The following DNAH14 variants were observed in gnomAD, a reference collection of about 807,000 sequenced individuals.
DNAH14 encodes the protein dynein axonemal heavy chain 14, also known as axonemal beta dynein heavy chain 14.
Under a neutral mutation model 520.9 loss-of-function variants are expected in DNAH14, and 478 were observed. That is an observed-to-expected ratio of 0.92 (90% CI 0.85 to 0.99). The LOEUF is 0.99. Ranked by LOEUF, DNAH14 falls within the 50% of genes least tolerant of loss-of-function variation. The probability of loss-of-function intolerance (pLI) is 0.00; values close to 1 mark genes in which losing one functional copy is unlikely to be tolerated. For missense variants in DNAH14, 4,831 were observed against 5,234.5 expected, an observed-to-expected ratio of 0.92 and a Z score of 2.38; for synonymous variants, 1,581 against 1,757.2, an observed-to-expected ratio of 0.90 and a Z score of 2.51.
At chr1:225,168,990 C>T (rs753050922) in intron 36 of DNAH14, among the ~76,000 whole-genome samples, 5 of 152,086 alleles carry the variant, frequency 3.3e-5, no homozygotes, top group Non-Finnish European at 7.4e-5. Flanking sequence ...TCTGCTGTTC[C>T]CCAATATTTA....
At chr1:225,168,132 A>AT (rs577330816) in intron 36 of DNAH14, 104 bp downstream of exon 36, 19 of 690,740 alleles carry the variant, frequency 2.8e-5, no homozygotes, top group South Asian at 1.2e-4. Flanking sequence ...TACAGGTATA[A>AT]TTTTTTTTAA....
chr1:225,051,757 C>A lies in DNAH14; in HGVS notation c.2386C>A (p.Gln796Lys). ...CATACATATGAGCCACACCCTCATA[C>A]AATCTGTAATTGAAAAAAAGAACAA... ...NVIHMSHTLIQSVIEKKNKNL... is the reference protein window; with the variant it reads ...NVIHMSHTLIKSVIEKKNKNL... The change falls in exon 17 of 86, where the codon CAA becomes AAA. Residue 796 changes from glutamine to lysine, a missense_variant. By Grantham distance (53) the Gln-to-Lys change is moderately conservative. Transcript: ENST00000682510. 4 of 1,519,846 alleles carry A rather than the reference C, an allele frequency of 2.6e-6. No individual in the cohort carries two copies. Among genetic ancestry groups the A allele is most frequent in the Non-Finnish European group, 3.5e-6 (4 of 1,133,788 alleles). 94.1% of individuals were successfully genotyped at this position (1,519,846 alleles called of 1,614,324 possible).
chr1:225,337,224 G>T, intron 66 of DNAH14, 42 bp from the exon 67 acceptor site: 1 of 1,475,484 alleles, frequency 6.8e-7, no homozygotes, highest in Non-Finnish European at 9.3e-7. Context: ...AAGATGTGAA[G>T]ACATTTACAA....
chr1:225,395,645 G>C (rs1028139868), intron 84 of DNAH14: 1 of 152,278 alleles, frequency 6.6e-6, no homozygotes, highest in South Asian at 2.1e-4. Flanking sequence ...CTTGGAGAGG[G>C]TGATGTTTTT....
chr1:225,242,035 C>G (rs2091995457), intron 43 of DNAH14, among the ~76,000 whole-genome samples: 1 of 152,136 alleles, frequency 6.6e-6, no homozygotes, highest in African/African-American at 2.4e-5. Flanking sequence ...CTAGCTTGGG[C>G]AACATAGTGA....
chr1:225,009,982 A>G (rs564117022), intron 10 of DNAH14, among the ~76,000 whole-genome samples: 1 of 152,324 alleles, frequency 6.6e-6, no homozygotes, highest in African/African-American at 2.4e-5. Flanking sequence ...TTATCAGGTT[A>G]AGGAGTTTTT....
chr1:225,333,577 T>C, intron 66 of DNAH14, 71 bp downstream of exon 66: 1 of 1,372,448 alleles, frequency 7.3e-7, no homozygotes. Context: ...GTATGTGTAG[T>C]TTCGGCCTTG....
At chr1:225,222,958 G>A (rs1343078413) in intron 41 of DNAH14, among the ~76,000 whole-genome samples, 1 of 152,050 alleles carries the variant, frequency 6.6e-6, no homozygotes, top group African/African-American at 2.4e-5. Flanking sequence ...GCTTTACTTA[G>A]GGCTGCTTTG....
At chr1:225,080,340 T>A in intron 18 of DNAH14, 39 bp from the exon 19 acceptor site, 1 of 1,484,028 alleles carries the variant, frequency 6.7e-7, no homozygotes. Flanking sequence ...GTTCTAGACA[T>A]ACTGATTTCT....
chr1:225,319,564 T>C lies in DNAH14; in HGVS notation c.9335+887T>C, dbSNP rs558700749. On this transcript the variant is annotated intron_variant, in intron 61 of 85. Transcript: ENST00000682510. Reference sequence around the variant, plus strand: ...TTATGATGAAGAGATCATATTACAATGCTGAAGTTAATGCCCGTGAAACTG... The same window carrying C: ...TTATGATGAAGAGATCATATTACAACGCTGAAGTTAATGCCCGTGAAACTG... Among the ~76,000 whole-genome samples the C allele has an allele frequency of 2.8e-4, 43 of 152,308 alleles. No homozygotes were observed. In the East Asian group the frequency reaches 5.6e-3, roughly 20 times the overall value.
intron 75 of DNAH14, among the ~76,000 whole-genome samples, chr1:225,363,205 T>C (rs375304885): frequency 2.0e-5 from 3 of 152,314 alleles, no homozygotes; most frequent in African/African-American, 7.2e-5. Context: ...TGGAAGTAAA[T>C]TGCAGACATG....
rs1477881242 is a variant in DNAH14, at chr1:224,938,879, G to A, written c.-34+9044G>A. Among the ~76,000 whole-genome samples the A allele has an allele frequency of 2.6e-5, 4 of 152,014 alleles. No individual in the cohort carries two copies. In the South Asian group the frequency reaches 6.2e-4, roughly 24 times the overall value. On this transcript the variant is annotated intron_variant, in intron 1 of 85. Coordinates refer to ENST00000682510, the MANE Select transcript of DNAH14 (RefSeq NM_001367479.1). ...TGTAAAAAAGAACCCTGTCGTTTAC[G>A]GCAATGTGAATGGAACTAGAGGCTA...
intron 11 of DNAH14, among the ~76,000 whole-genome samples, chr1:225,031,299 G>A (rs1246827523): frequency 6.6e-6 from 1 of 151,942 alleles, no homozygotes; most frequent in Non-Finnish European, 1.5e-5. Flanking sequence ...CTTAGACCAA[G>A]TGTCAACAAA....
chr1:225,373,781 A>G (rs992083477), intron 77 of DNAH14, among the ~76,000 whole-genome samples: 2 of 152,040 alleles, frequency 1.3e-5, no homozygotes, highest in Non-Finnish European at 2.9e-5. Context: ...AACAGCAATT[A>G]AACAGCTCAA....
chr1:225,008,180 T>G (rs1003582810), intron 10 of DNAH14, among the ~76,000 whole-genome samples: 1 of 152,096 alleles, frequency 6.6e-6, no homozygotes, highest in Non-Finnish European at 1.5e-5. Context: ...CAGTGTTTGT[T>G]TTTCTGTTCC....
At chr1:225,191,417 T>C (rs553878218) in intron 37 of DNAH14, among the ~76,000 whole-genome samples, 4 of 152,068 alleles carry the variant, frequency 2.6e-5, no homozygotes, top group Non-Finnish European at 5.9e-5. Flanking sequence ...CTGGCCTTTG[T>C]GCTTTCTGAT....
At chr1:225,011,486 A>G (rs1386872896) in intron 10 of DNAH14, among the ~76,000 whole-genome samples, 1 of 152,082 alleles carries the variant, frequency 6.6e-6, no homozygotes, top group East Asian at 1.9e-4. Context: ...AGTCCTAAAT[A>G]TCCTTGTTAA....
chr1:225,340,647 A>G lies in DNAH14; in HGVS notation c.10624A>G (p.Ile3542Val), dbSNP rs1329558380. The part of the protein sequence containing the change: ...KLLESISLDA[I>V]TLEELEEKTL... The stretch of plus-strand genomic sequence containing the variant: ...ACTGGAGAGTATTTCCCTTGATGCC[A>G]TAACTCTTGAAGAACTAGAGGAAAA... The change falls in exon 69 of 86, where the codon ATA (isoleucine) becomes GTA (valine). Residue 3542 changes from isoleucine to valine, a missense_variant. Transcript: ENST00000682510. 1.5e-5 allele frequency: 24 copies of G among 1,551,312 alleles called. No homozygotes were observed. The highest frequency in any genetic ancestry group is 5.9e-5 in the Admixed American group (3 of 50,992).
At chr1:225,314,207 T>C (rs772666550) in intron 60 of DNAH14, among the ~76,000 whole-genome samples, 4 of 152,216 alleles carry the variant, frequency 2.6e-5, no homozygotes, top group Non-Finnish European at 5.9e-5. Context: ...CTTTTTTGTC[T>C]CTTTCGATCT....
Sources: allele counts gnomAD v4.1 joint callset (sites outside exome capture counted in the v4.1 genomes callset), GRCh38; gene constraint gnomAD v4.1.1; transcripts MANE v1.5; gene names NCBI Gene and HGNC (gene_info 2026-07-23, HGNC 2026-07-21).